The following PLCE1 variants were observed in gnomAD, a reference collection of about 807,000 sequenced individuals.
PLCE1 encodes phospholipase C epsilon 1.
Under a neutral mutation model 242.8 loss-of-function variants are expected in PLCE1, and 119 were observed. That is an observed-to-expected ratio of 0.49 (90% CI 0.42 to 0.57). PLCE1 has a LOEUF of 0.57. Among genes scored for constraint, PLCE1 ranks in the 20% least tolerant of loss-of-function variants. PLCE1 has a pLI of 0.00. For synonymous variants in PLCE1, 945 were observed against 1,017.4 expected (o/e 0.93, Z 1.35); for missense variants, 2,441 against 2,788.8 (o/e 0.88, Z 2.81).
In PLCE1 at chr10:94,296,111, C is replaced by A. The variant is rs1003999196; in HGVS notation, c.5168-2268C>A. 4.6e-5 allele frequency among the ~76,000 whole-genome samples: 7 copies of A among 152,034 alleles called. No homozygotes were observed. The South Asian group carries it at 1.5e-3, about 32-fold the overall frequency. On this transcript the variant is annotated intron_variant, in intron 23 of 32. Coordinates refer to ENST00000371380, the MANE Select transcript of PLCE1 (RefSeq NM_016341.4). ...GGTGTGGTGGCTCATGCCTGTAATC[C>A]CAGCACTTTGGGAGGCTGAGGCAGG...
At chr10:94,305,621 A>C (rs985282281) in intron 25 of PLCE1, among the ~76,000 whole-genome samples, 16 of 152,240 alleles carry the variant, frequency 1.1e-4, no homozygotes, top group African/African-American at 3.9e-4. Context: ...ACAGCAGGGC[A>C]GTAGCCCCTT....
At position 94,304,588 on chromosome 10, in the gene PLCE1, G is replaced by A. The variant is rs1283082247; in HGVS notation, c.5565G>A (p.Lys1855=). The A allele has an allele frequency of 4.3e-6, 7 of 1,613,994 alleles. No individual in the cohort carries two copies. The African/African-American group carries it at 8.0e-5, about 18-fold the overall frequency. The change falls in exon 25 of 33, where the codon AAG becomes AAA. Residue 1855 remains lysine, a synonymous_variant. Coordinates refer to ENST00000371380, the MANE Select transcript of PLCE1 (RefSeq NM_016341.4). ...LWDKNCPMYQ[K]FSPLERDLDS... ...ACAAGAACTGCCCCATGTATCAGAA[G>A]TTTTCTCCACTAGAAAGAGATCTGG...
chr10:94,288,727 G>A (rs1238151347), intron 22 of PLCE1, among the ~76,000 whole-genome samples: 3 of 152,170 alleles, frequency 2.0e-5, no homozygotes, highest in African/African-American at 7.2e-5. Flanking sequence ...GGCTCGTCCG[G>A]AAGATTCTGT....
At position 94,293,498 on chromosome 10, in the gene PLCE1, A is replaced by G. The variant is rs759769757; in HGVS notation, c.5036-10A>G. 1.2e-6 allele frequency: 2 copies of G among 1,612,958 alleles called. No individual in the cohort carries two copies. Among genetic ancestry groups the G allele is most frequent in the Non-Finnish European group, 1.7e-6 (2 of 1,179,250 alleles). On this transcript the variant is annotated splice_polypyrimidine_tract_variant and intron_variant, in intron 22 of 32. Coordinates refer to ENST00000371380, the MANE Select transcript of PLCE1 (RefSeq NM_016341.4). ...TTTTTGGCTTATTTATTTTCATTTT[A>G]TGGGAACAGGACTGTCAACTCTAAA...
At chr10:94,182,039 C>T (rs2048330179) in intron 4 of PLCE1, among the ~76,000 whole-genome samples, 1 of 125,084 alleles carries the variant, frequency 8.0e-6, no homozygotes, top group South Asian at 2.2e-4. Flanking sequence ...TCAAAGAGAA[C>T]AAAGCTGTAT....
intron 28 of PLCE1, among the ~76,000 whole-genome samples, chr10:94,315,769 C>CAAAAAAAAAAAAAAAAAAAAAAAAAAAAA (rs10572287): frequency 8.1e-6 from 1 of 122,870 alleles, no homozygotes. Context: ...GACTCTGTCT[C>CAAAAAAAAAAAAAAAAAAAAAAAAAAAAA]AAAAAAAAAA....
At chr10:94,014,490 A>G (rs1168889178) in intron 1 of PLCE1, among the ~76,000 whole-genome samples, 1 of 151,784 alleles carries the variant, frequency 6.6e-6, no homozygotes, top group Non-Finnish European at 1.5e-5. Context: ...CTGTAGTCCC[A>G]GCTGAATGAG....
chr10:94,277,265 C>T (rs1209613795), intron 19 of PLCE1, among the ~76,000 whole-genome samples: 2 of 152,150 alleles, frequency 1.3e-5, no homozygotes, highest in South Asian at 4.1e-4. Context: ...ATGACAGACA[C>T]TGCGGCTAGG....
At chr10:94,144,211 C>T (rs2047050586) in intron 3 of PLCE1, among the ~76,000 whole-genome samples, 2 of 152,188 alleles carry the variant, frequency 1.3e-5, no homozygotes, top group South Asian at 4.1e-4. Context: ...TCCTAAGCCT[C>T]TCTGATTCCC....
chr10:94,089,292 T>A, intron 2 of PLCE1: 1 of 1,614,012 alleles, frequency 6.2e-7, no homozygotes, highest in South Asian at 1.1e-5. Flanking sequence ...TCTTGAAGGT[T>A]GGTTGGCTCT....
chr10:94,317,478 A>G (rs997113634), intron 29 of PLCE1, among the ~76,000 whole-genome samples: 1 of 152,228 alleles, frequency 6.6e-6, no homozygotes, highest in African/African-American at 2.4e-5. Flanking sequence ...GGGATGACTG[A>G]CTTCCAGTTT....
intron 2 of PLCE1, among the ~76,000 whole-genome samples, chr10:94,118,317 A>G (rs1052991097): frequency 6.6e-5 from 10 of 152,080 alleles, no homozygotes; most frequent in African/African-American, 2.2e-4. Flanking sequence ...CTGAAAGGTG[A>G]TAACTTTCCC....
intron 21 of PLCE1, among the ~76,000 whole-genome samples, chr10:94,284,594 A>G (rs990235699): frequency 6.6e-6 from 1 of 152,190 alleles, no homozygotes; most frequent in Non-Finnish European, 1.5e-5. Context: ...TTATTTAACA[A>G]AGATTTATTG....
intron 2 of PLCE1, among the ~76,000 whole-genome samples, chr10:94,114,916 C>G (rs977801323): frequency 2.5e-4 from 38 of 152,072 alleles, no homozygotes; most frequent in South Asian, 2.1e-4. Context: ...ATCCCTCCCC[C>G]CTTCCCCCAT....
chr10:94,270,589 C>G lies in PLCE1; in HGVS notation c.4493C>G (p.Ala1498Gly). The G allele has an allele frequency of 1.2e-6, 2 of 1,601,676 alleles. No homozygotes were observed. Among genetic ancestry groups the G allele is most frequent in the Non-Finnish European group, 1.7e-6 (2 of 1,168,658 alleles). The part of the protein sequence containing the change: ...HCSLPQQRKM[A>G]EIFKTVFGEK... ...TCATTGCCTCAGCAACGAAAAATGGCAGAAATTTTCAAGGTGAGCTCTCAA... is the reference window on the plus strand; with the variant it reads ...TCATTGCCTCAGCAACGAAAAATGGGAGAAATTTTCAAGGTGAGCTCTCAA... Residue 1498 changes from alanine to glycine, a missense_variant, in exon 18 of 33, where the codon GCA (alanine) becomes GGA (glycine). Around this residue, in one of 5 missense-constraint regions of PLCE1, gnomAD observed 1,004 missense variants for 1,322.7 expected, o/e 0.76. Coordinates refer to ENST00000371380, the MANE Select transcript of PLCE1 (RefSeq NM_016341.4).
chr10:94,205,012 C>T (rs1351617202), intron 4 of PLCE1, among the ~76,000 whole-genome samples: 3 of 152,096 alleles, frequency 2.0e-5, no homozygotes, highest in Admixed American at 6.5e-5. Context: ...TCTTACTTGG[C>T]GTAAGGATAA....
At chr10:94,068,081 C>T (rs1012864170) in intron 2 of PLCE1, among the ~76,000 whole-genome samples, 3 of 152,168 alleles carry the variant, frequency 2.0e-5, no homozygotes, top group Non-Finnish European at 2.9e-5. Context: ...AGAAGTGGGG[C>T]TCTGCCAGTC....
At chr10:94,024,623 G>A (rs2061426527) in intron 1 of PLCE1, among the ~76,000 whole-genome samples, 1 of 152,046 alleles carries the variant, frequency 6.6e-6, no homozygotes, top group Non-Finnish European at 1.5e-5. Context: ...TTCAACAGGT[G>A]CTTAACCAAT....
chr10:94,288,353 T>C (rs763949786), intron 22 of PLCE1, among the ~76,000 whole-genome samples: 5 of 152,208 alleles, frequency 3.3e-5, no homozygotes, highest in Non-Finnish European at 5.9e-5. Flanking sequence ...GATCATCAGA[T>C]AAGATCGTGG....
Sources: allele counts gnomAD v4.1 joint callset (sites outside exome capture counted in the v4.1 genomes callset), GRCh38; gene constraint gnomAD v4.1.1; regional missense constraint gnomAD v4.1.1; transcripts MANE v1.5; gene names NCBI Gene and HGNC (gene_info 2026-07-23, HGNC 2026-07-21).